Variants in CCDC171 observed in about 807,000 individuals in gnomAD.
CCDC171 encodes the protein coiled-coil domain-containing protein 171.
Under a neutral mutation model 168.2 loss-of-function variants are expected in CCDC171, and 177 were observed. The observed-to-expected ratio is 1.05, with a 90% CI of 0.93 to 1.19. The LOEUF is 1.19. Ranked by LOEUF, CCDC171 falls within the 50% of genes most tolerant of loss-of-function variation. The pLI is 0.00. For synonymous variants in CCDC171, 687 were observed against 540.8 expected (o/e 1.27, Z -3.75); for missense variants, 1,991 against 1,539.0 (o/e 1.29, Z -4.91).
At chr9:15,832,212 A>G (rs781368364) in intron 21 of CCDC171, among the ~76,000 whole-genome samples, 5 of 152,162 alleles carry the variant, frequency 3.3e-5, no homozygotes, top group Non-Finnish European at 7.4e-5. Flanking sequence ...TGGACATTCA[A>G]ATGGTGAGAT....
intron 21 of CCDC171, among the ~76,000 whole-genome samples, chr9:15,825,949 A>C (rs957768746): frequency 1.3e-5 from 2 of 151,700 alleles, no homozygotes; most frequent in African/African-American, 4.8e-5. Context: ...ATTAAATTTC[A>C]TTTTCTTGTT....
intron 7 of CCDC171, among the ~76,000 whole-genome samples, chr9:15,645,056 C>A (rs756405890): frequency 6.6e-6 from 1 of 152,202 alleles, no homozygotes; most frequent in African/African-American, 2.4e-5. Context: ...TCCAGAGGAA[C>A]GATCAGGCAG....
chr9:15,569,783 C>G (rs1016765999), intron 2 of CCDC171, among the ~76,000 whole-genome samples: 66 of 150,870 alleles, frequency 4.4e-4, no homozygotes, highest in African/African-American at 1.5e-3. Context: ...CCACTGCACT[C>G]CAGCCTGGGC....
Position 15,803,811 on chromosome 9 carries a change from C to T in CCDC171, c.3267+19117C>T, listed in dbSNP as rs533470622. On this transcript the variant is annotated intron_variant, in intron 21 of 25. Coordinates refer to ENST00000380701, the MANE Select transcript of CCDC171 (RefSeq NM_173550.4). ...TTTCTTTTTCTGTGAAGAATGTCAA[C>T]GATAGTTTAATGGGAATAGCATCGA... Among the ~76,000 whole-genome samples, 17 of 151,872 alleles carry T rather than the reference C, an allele frequency of 1.1e-4. 1 individual carries two copies. The highest frequency in any genetic ancestry group is 1.0e-3 in the South Asian group (5 of 4,802).
chr9:15,801,072 C>T (rs1010329079), intron 21 of CCDC171, among the ~76,000 whole-genome samples: 1 of 151,630 alleles, frequency 6.6e-6, no homozygotes, highest in Non-Finnish European at 1.5e-5. Context: ...TCTTTTTGCT[C>T]AGGATAGATT....
At chr9:15,809,013 C>G (rs778673418) in intron 21 of CCDC171, among the ~76,000 whole-genome samples, 2 of 152,070 alleles carry the variant, frequency 1.3e-5, no homozygotes, top group Non-Finnish European at 2.9e-5. Context: ...CTCTTTGGGC[C>G]TTATTTATAT....
intron 21 of CCDC171, among the ~76,000 whole-genome samples, chr9:15,794,669 A>G (rs1350693746): frequency 6.6e-6 from 1 of 152,204 alleles, no homozygotes; most frequent in African/African-American, 2.4e-5. Context: ...TTAAGGGATT[A>G]TAAAAAATAA....
chr9:15,944,830 T>TTTCC lies in CCDC171; in HGVS notation c.3753+24411_3753+24412insCTTC, dbSNP rs1176782111. On this transcript the variant is annotated intron_variant, in intron 25 of 25. Coordinates refer to ENST00000380701, the MANE Select transcript of CCDC171 (RefSeq NM_173550.4). ...GGTAGTTGGGTTAGAATTCTTTTTCTTTCTTTTTTCTTTCTTTCTTTCTTT... is the reference window on the plus strand; with the variant it reads ...GGTAGTTGGGTTAGAATTCTTTTTCTTTCCTTCTTTTTTCTTTCTTTCTTTCTTT... 9.8e-3 allele frequency among the ~76,000 whole-genome samples: 269 copies of TTTCC among 27,438 alleles called. 1 individual carries two copies. The highest frequency in any genetic ancestry group is 0.03 in the African/African-American group (254 of 8,394). 18.0% of individuals were successfully genotyped at this position (27,438 alleles called of 152,430 possible).
chr9:16,062,582 T>A (rs966831918), downstream of CCDC171, among the ~76,000 whole-genome samples: 2 of 152,170 alleles, frequency 1.3e-5, no homozygotes, highest in Admixed American at 6.5e-5. Flanking sequence ...AAAAAGAAAG[T>A]AAGGAGATGA....
At chr9:15,791,208 G>A (rs200727747) in intron 21 of CCDC171, among the ~76,000 whole-genome samples, 1 of 152,056 alleles carries the variant, frequency 6.6e-6, no homozygotes, top group Non-Finnish European at 1.5e-5. Context: ...TTTTCACGAT[G>A]TTGATTCTTC....
At chr9:15,937,193 T>C (rs546236661) in intron 25 of CCDC171, among the ~76,000 whole-genome samples, 7 of 152,206 alleles carry the variant, frequency 4.6e-5, no homozygotes, top group African/African-American at 1.7e-4. Flanking sequence ...TTTCATTTGC[T>C]GTTAGGAAAT....
intron 7 of CCDC171, among the ~76,000 whole-genome samples, chr9:15,625,305 A>G (rs1360492625): frequency 2.0e-5 from 3 of 152,148 alleles, no homozygotes; most frequent in Non-Finnish European, 4.4e-5. Flanking sequence ...TGCTGTGCAG[A>G]AGCTCTTTAA....
intron 11 of CCDC171, among the ~76,000 whole-genome samples, chr9:15,717,230 C>T (rs566000498): frequency 1.3e-5 from 2 of 152,268 alleles, no homozygotes; most frequent in Admixed American, 6.5e-5. Context: ...CAGTGATGCC[C>T]TGTCACAGTG....
chr9:15,860,035 T>G lies in CCDC171; in HGVS notation c.3468+11088T>G, dbSNP rs1031619225. 1.1e-4 allele frequency among the ~76,000 whole-genome samples: 16 copies of G among 151,956 alleles called. No individual in the cohort carries two copies. The East Asian group carries it at 2.9e-3, about 28-fold the overall frequency. ...TGTTAGGTTGCATGTTTCTTAGAAT[T>G]TATCCGTTTCTTCTAGATTATCTAC... is the stretch of plus-strand genomic sequence containing the variant. On this transcript the variant is annotated intron_variant, in intron 23 of 25. Transcript: ENST00000380701.
chr9:15,819,488 GA>G (rs1306882790), intron 21 of CCDC171, among the ~76,000 whole-genome samples: 1 of 117,116 alleles, frequency 8.5e-6, no homozygotes, highest in Non-Finnish European at 1.9e-5. Flanking sequence ...TAAAGGGATG[GA>G]GGAAGATCTA....
chr9:15,593,048 G>T (rs531359568), intron 5 of CCDC171, among the ~76,000 whole-genome samples: 1 of 151,826 alleles, frequency 6.6e-6, no homozygotes, highest in African/African-American at 2.4e-5. Context: ...ACAGTCCCCA[G>T]AGTGTGATGT....
At chr9:16,097,930 C>T in the CCDC171 span, among the ~76,000 whole-genome samples, 1 of 152,156 alleles carries the variant, frequency 6.6e-6, no homozygotes, top group African/African-American at 2.4e-5. Flanking sequence ...AGGTGGTGAT[C>T]AACTTTATGT....
intron 24 of CCDC171, 68 bp downstream of exon 24, chr9:15,874,731 A>G: frequency 7.3e-7 from 1 of 1,375,520 alleles, no homozygotes; most frequent in Non-Finnish European, 9.6e-7. Context: ...AACTGGAGAG[A>G]ATGAAAGCCT....
chr9:15,638,054 C>T (rs1015237900), intron 7 of CCDC171, among the ~76,000 whole-genome samples: 1 of 152,128 alleles, frequency 6.6e-6, no homozygotes, highest in Non-Finnish European at 1.5e-5. Context: ...CACTGACTTC[C>T]ACAATATTTT....
Sources: gnomAD v4.1 joint callset for allele counts (sites outside exome capture counted in the v4.1 genomes callset) on GRCh38, gnomAD v4.1.1 for gene constraint, MANE v1.5 for transcripts, NCBI Gene and HGNC (gene_info 2026-07-23, HGNC 2026-07-21) for gene names.